SORCS2: variants seen among roughly 807,000 people sequenced by gnomAD.
SORCS2 encodes the protein VPS10 domain-containing receptor SorCS2.
In SORCS2, 100 loss-of-function variants were observed where a neutral mutation model predicts 141.6. The ratio of observed to expected loss-of-function variants is 0.71; its 90% CI spans 0.60 to 0.83. SORCS2 has a LOEUF of 0.83. Ranked by LOEUF, SORCS2 falls within the 40% of genes least tolerant of loss-of-function variation. The probability of loss-of-function intolerance (pLI) is 0.00; values close to 1 mark genes in which losing one functional copy is unlikely to be tolerated. For synonymous variants in SORCS2, 789 were observed against 676.9 expected (o/e 1.17, Z -2.57); for missense variants, 1,646 against 1,560.2 (o/e 1.05, Z -0.93).
At chr4:7,247,569 G>A (rs907902662) in intron 1 of SORCS2, among the ~76,000 whole-genome samples, 14 of 152,212 alleles carry the variant, frequency 9.2e-5, no homozygotes, top group East Asian at 1.9e-4. Flanking sequence ...ATTCCTGTGC[G>A]TTTTCTGTGG....
At chr4:7,380,296 A>C (rs1373571784) in intron 1 of SORCS2, among the ~76,000 whole-genome samples, 1 of 146,442 alleles carries the variant, frequency 6.8e-6, no homozygotes, top group African/African-American at 2.8e-5. Flanking sequence ...AGTAACATTC[A>C]CAGGGGACAG....
chr4:7,694,427 C>T (rs1042779507), intron 11 of SORCS2, among the ~76,000 whole-genome samples: 3 of 152,130 alleles, frequency 2.0e-5, no homozygotes, highest in Admixed American at 1.3e-4. Flanking sequence ...TTCTTTCCCC[C>T]GAGACTGTTA....
intron 3 of SORCS2, among the ~76,000 whole-genome samples, chr4:7,574,444 G>A (rs1175266671): frequency 1.3e-5 from 2 of 152,190 alleles, no homozygotes; most frequent in African/African-American, 2.4e-5. Context: ...TCCAGCTCTC[G>A]CCCCTGCCTT....
intron 5 of SORCS2, among the ~76,000 whole-genome samples, chr4:7,654,808 C>A (rs1158077762): frequency 6.6e-6 from 1 of 152,226 alleles, no homozygotes; most frequent in Non-Finnish European, 1.5e-5. Flanking sequence ...CCCACCCTGG[C>A]CTCCTGAGGA....
Position 7,729,620 on chromosome 4 carries a change from G to A in SORCS2, c.3016G>A (p.Val1006Met), listed in dbSNP as rs746040468. The change falls in exon 23 of 27, where the codon GTG (valine) becomes ATG (methionine). Residue 1006 changes from valine to methionine, a missense_variant. Coordinates refer to ENST00000507866, the MANE Select transcript of SORCS2 (RefSeq NM_020777.3). ...CGTCCCTCAGGAGCTTCTGGTGACT[G>A]TGGTGAAGCCGGGGCTGCCCACTTT... ...TSVPQELLVTVVKPGLPTLAD... is the reference protein window; with the variant it reads ...TSVPQELLVTMVKPGLPTLAD... 1 of 1,593,180 alleles carries A rather than the reference G, an allele frequency of 6.3e-7. No homozygotes were observed. Among genetic ancestry groups the A allele is most frequent in the Non-Finnish European group, 8.5e-7 (1 of 1,170,028 alleles).
rs186135583 is a variant in SORCS2 at position 7,629,770 on chromosome 4, C to T, written c.649-8558C>T. ...CCCCATATATCAAACCCCACCCTCCCTCTACTTGGGTGTACCTCAGGAACC... is the reference window on the plus strand; with the variant it reads ...CCCCATATATCAAACCCCACCCTCCTTCTACTTGGGTGTACCTCAGGAACC... On this transcript the variant is annotated intron_variant, in intron 3 of 26. Coordinates refer to ENST00000507866, the MANE Select transcript of SORCS2 (RefSeq NM_020777.3). Among the ~76,000 whole-genome samples, 28 of 152,150 alleles carry T rather than the reference C, an allele frequency of 1.8e-4. No homozygotes were observed. In the East Asian group the frequency reaches 4.7e-3, roughly 25 times the overall value.
At chr4:7,715,858 C>T (rs1726154122) in intron 17 of SORCS2, among the ~76,000 whole-genome samples, 1 of 152,180 alleles carries the variant, frequency 6.6e-6, no homozygotes, top group Non-Finnish European at 1.5e-5. Flanking sequence ...CTCCTGACCC[C>T]GAGCCTGCCT....
intron 1 of SORCS2, among the ~76,000 whole-genome samples, chr4:7,317,373 C>G (rs1016471962): frequency 2.0e-5 from 3 of 152,240 alleles, no homozygotes; most frequent in African/African-American, 7.2e-5. Context: ...TCAAGGGTAC[C>G]TCTGCGTCAA....
intron 3 of SORCS2, among the ~76,000 whole-genome samples, chr4:7,594,813 C>CGG (rs998082208): frequency 6.6e-6 from 1 of 152,152 alleles, no homozygotes; most frequent in African/African-American, 2.4e-5. Flanking sequence ...GTCACAGTCT[C>CGG]GGTGTGCCTC....
intron 1 of SORCS2, among the ~76,000 whole-genome samples, chr4:7,380,057 A>G (rs1307582596): frequency 6.6e-6 from 1 of 152,102 alleles, no homozygotes; most frequent in Non-Finnish European, 1.5e-5. Context: ...AAGGTTGCTC[A>G]ACAATGGCCA....
chr4:7,601,208 C>T (rs1271754608), intron 3 of SORCS2, among the ~76,000 whole-genome samples: 3 of 152,094 alleles, frequency 2.0e-5, no homozygotes, highest in Non-Finnish European at 2.9e-5. Context: ...AATGCAAAGG[C>T]CTCCCTTAGG....
intron 18 of SORCS2, 114 bp downstream of exon 18, chr4:7,718,297 T>C (rs1157394106): frequency 8.2e-6 from 10 of 1,220,840 alleles, no homozygotes; most frequent in Non-Finnish European, 1.1e-5. Context: ...GCTCAGGGCA[T>C]CGTCATCAGC....
At chr4:7,439,103 C>T (rs1192074278) in intron 2 of SORCS2, among the ~76,000 whole-genome samples, 2 of 152,060 alleles carry the variant, frequency 1.3e-5, no homozygotes, top group Non-Finnish European at 1.5e-5. Context: ...CCTGTGCTGT[C>T]GTGCCTTTTA....
At chr4:7,546,727 T>A (rs539337771) in intron 3 of SORCS2, among the ~76,000 whole-genome samples, 15 of 152,294 alleles carry the variant, frequency 9.8e-5, no homozygotes, top group African/African-American at 3.6e-4. Flanking sequence ...GATTCCATTT[T>A]CCAACACTGT....
chr4:7,552,237 G>A (rs1713766324), intron 3 of SORCS2, among the ~76,000 whole-genome samples: 1 of 152,178 alleles, frequency 6.6e-6, no homozygotes, highest in Admixed American at 6.5e-5. Context: ...ATATTGCTGA[G>A]GGTCCTTGGC....
chr4:7,199,579 G>C (rs779869993), intron 1 of SORCS2, among the ~76,000 whole-genome samples: 10 of 152,002 alleles, frequency 6.6e-5, no homozygotes, highest in Non-Finnish European at 1.3e-4. Flanking sequence ...GGAGGCTGTT[G>C]CTGTGGTCTG....
At chr4:7,335,098 C>T (rs903416726) in intron 1 of SORCS2, among the ~76,000 whole-genome samples, 19 of 152,280 alleles carry the variant, frequency 1.2e-4, no homozygotes, top group Non-Finnish European at 2.5e-4. Flanking sequence ...CTTCAGCTCC[C>T]ATTCTGCAGC....
chr4:7,515,513 G>C (rs1577683285), intron 2 of SORCS2, among the ~76,000 whole-genome samples: 1 of 152,180 alleles, frequency 6.6e-6, no homozygotes, highest in African/African-American at 2.4e-5. Context: ...AGGGCTCAGC[G>C]GGCAGCCGGA....
intron 3 of SORCS2, among the ~76,000 whole-genome samples, chr4:7,606,994 T>G (rs976442605): frequency 3.9e-5 from 6 of 152,256 alleles, no homozygotes; most frequent in South Asian, 2.1e-4. Flanking sequence ...GTCCTACACT[T>G]TATATGAAGC....
Sources: gnomAD v4.1 joint callset for allele counts (sites outside exome capture counted in the v4.1 genomes callset) on GRCh38, gnomAD v4.1.1 for gene constraint, MANE v1.5 for transcripts, NCBI Gene and HGNC (gene_info 2026-07-23, HGNC 2026-07-21) for gene names.